Variants in FIGLA observed in about 807,000 individuals in gnomAD.
FIGLA encodes factor in the germline alpha.
FIGLA carries 17 observed loss-of-function variants against 21.5 expected under a neutral mutation model. The observed-to-expected ratio is 0.79, with a 90% confidence interval of 0.54 to 1.19. The LOEUF (loss-of-function observed/expected upper bound fraction) is 1.19. Ranked by LOEUF, FIGLA falls within the 50% of genes most tolerant of loss-of-function variation. The probability of loss-of-function intolerance (pLI) is 0.00; values close to 1 mark genes in which losing one functional copy is unlikely to be tolerated. For synonymous variants in FIGLA, 129 were observed against 117.6 expected (o/e 1.10, Z -0.63); for missense variants, 282 against 285.0 (o/e 0.99, Z 0.08).
chr2:70,788,870 C>G (rs958066162), intron 1 of FIGLA, among the ~76,000 whole-genome samples: 2 of 152,124 alleles, frequency 1.3e-5, no homozygotes, highest in South Asian at 4.1e-4. Context: ...GTATCAAAAG[C>G]CATTCCATTG....
Position 70,787,696 on chromosome 2 carries a change from A to G in FIGLA, c.337T>C (p.Tyr113His), listed in dbSNP as rs781845895. ...KVDILKGATE[Y>H]IQVLSDLLEG... ...AAAAGATCACTGAGAACCTGTATAT[A>G]TTCAGTCGCACCTTTAAGGATATCA... is the stretch of plus-strand genomic sequence containing the variant. Residue 113 changes from tyrosine to histidine, a missense_variant, in exon 2 of 5, where the codon TAT becomes CAT. Tyr to His is a moderately conservative substitution (Grantham distance 83). Transcript: ENST00000332372. The G allele has an allele frequency of 2.5e-6, 4 of 1,600,748 alleles. No homozygotes were observed. The highest frequency in any genetic ancestry group is 2.2e-5 in the East Asian group (1 of 44,688).
chr2:70,785,999 C>A (rs556283956), intron 2 of FIGLA, among the ~76,000 whole-genome samples: 1 of 152,352 alleles, frequency 6.6e-6, no homozygotes, highest in South Asian at 2.1e-4. Flanking sequence ...GTTTGACCAA[C>A]AGGACAATTC....
rs1675777574 is a variant in FIGLA, at chr2:70,777,334, T to C, written c.*33A>G. ...AAACTTTCAAGACTGCATTTATTTG[T>C]CTCTAGAAGGTAACCCTGGGCCTTT... On this transcript the variant is annotated 3_prime_UTR_variant, in exon 5 of 5. Coordinates refer to ENST00000332372, the MANE Select transcript of FIGLA (RefSeq NM_001004311.3). 2 of 1,432,616 alleles carry C rather than the reference T, an allele frequency of 1.4e-6. No individual in the cohort carries two copies. Among genetic ancestry groups the C allele is most frequent in the Non-Finnish European group, 1.9e-6 (2 of 1,073,070 alleles). The allele number at this position is 1,432,616 out of a possible 1,614,324, so 88.7% of individuals were successfully genotyped here.
chr2:70,784,901 TTTCATTTAAAATGTTG>T, intron 3 of FIGLA, among the ~76,000 whole-genome samples: 1 of 151,462 alleles, frequency 6.6e-6, no homozygotes, highest in East Asian at 1.9e-4. Flanking sequence ...TCCTTTGTTA[TTTCATTTAAAATGTTG>T]TCTTACAACC....
At chr2:70,787,542 T>C in intron 2 of FIGLA, 107 bp downstream of exon 2, 1 of 1,187,996 alleles carries the variant, frequency 8.4e-7, no homozygotes, top group Non-Finnish European at 1.2e-6. Context: ...TTAGAGGTTA[T>C]AAACCTTAAG....
chr2:70,787,893 C>T (rs868945649), intron 1 of FIGLA, 92 bp from the exon 2 acceptor site: 1 of 1,342,582 alleles, frequency 7.4e-7, no homozygotes, highest in Middle Eastern at 1.9e-4. Flanking sequence ...CCACTGCCTC[C>T]TTGTCTGAGT....
At chr2:70,780,844 C>A (rs1394708298) in intron 3 of FIGLA, among the ~76,000 whole-genome samples, 1 of 152,010 alleles carries the variant, frequency 6.6e-6, no homozygotes, top group Non-Finnish European at 1.5e-5. Context: ...ATGGCACCCA[C>A]ATACAGAGGC....
chr2:70,789,138 CTGAA>C (rs1553390462), intron 1 of FIGLA, among the ~76,000 whole-genome samples: 2 of 97,608 alleles, frequency 2.0e-5, no homozygotes, highest in African/African-American at 5.7e-5. Flanking sequence ...CAAATATGTA[CTGAA>C]TATTTTGTAA....
At chr2:70,789,156 TTA>T (rs10540498) in intron 1 of FIGLA, among the ~76,000 whole-genome samples, 80,617 of 150,088 alleles carry the variant, frequency 0.54, 22,610 homozygotes, top group East Asian at 0.74. Flanking sequence ...TTTGTAAAAA[TTA>T]TATATATATA....
rs558415436 is a variant in FIGLA, at chr2:70,783,369, G to A, written c.609+2046C>T. ...ACATCTCTGGCTTTTACTAGGAAACGTTAGTCCCCACTCTAAATTAGTGTA... is the reference window on the plus strand; with the variant it reads ...ACATCTCTGGCTTTTACTAGGAAACATTAGTCCCCACTCTAAATTAGTGTA... On this transcript the variant is annotated intron_variant, in intron 3 of 4. Coordinates refer to ENST00000332372, the MANE Select transcript of FIGLA (RefSeq NM_001004311.3). Among the ~76,000 whole-genome samples, 86 of 152,298 alleles carry A rather than the reference G, an allele frequency of 5.6e-4. 1 individual carries two copies. The highest frequency in any genetic ancestry group is 2.0e-3 in the African/African-American group (82 of 41,550).
At chr2:70,789,021 AT>A (rs1676007765) in intron 1 of FIGLA, among the ~76,000 whole-genome samples, 1 of 152,236 alleles carries the variant, frequency 6.6e-6, no homozygotes, top group African/African-American at 2.4e-5. Context: ...GACTGAATAC[AT>A]TATGGTCCAT....
In FIGLA at chr2:70,785,547, A is replaced by G; in HGVS notation, c.477T>C (p.His159=). The change falls in exon 3 of 5, where the codon CAT becomes CAC. Residue 159 remains histidine (H), a synonymous_variant. Transcript: ENST00000332372. ...TCTTCAAGCCGAAAGCACAGCTGAT[A>G]TGTTGGGTGATGTTTCTTGACAGCT... ...ARQLSRNITQ[H]ISCAFGLKNE... is the part of the protein sequence containing the mutation. The G allele has an allele frequency of 6.2e-7, 1 of 1,613,956 alleles. No homozygotes were observed. Among genetic ancestry groups the G allele is most frequent in the South Asian group, 1.1e-5 (1 of 91,080 alleles).
intron 3 of FIGLA, among the ~76,000 whole-genome samples, chr2:70,784,942 C>T (rs1053026688): frequency 2.2e-5 from 2 of 89,316 alleles, no homozygotes; most frequent in African/African-American, 6.1e-5. Flanking sequence ...CCACCCCCCA[C>T]CACAAAAAAA....
At chr2:70,785,692 T>A in intron 2 of FIGLA, 53 bp from the exon 3 acceptor site, 1 of 1,352,456 alleles carries the variant, frequency 7.4e-7, no homozygotes, top group Non-Finnish European at 1.1e-6. Flanking sequence ...AAGATTTTGA[T>A]GACTTAAACT....
chr2:70,788,232 G>A (rs1675992218), intron 1 of FIGLA, among the ~76,000 whole-genome samples: 1 of 152,110 alleles, frequency 6.6e-6, no homozygotes, highest in Admixed American at 6.5e-5. Context: ...AAGCTTTTTG[G>A]GGGGTGTGAT....
At chr2:70,784,002 T>G (rs1553389501) in intron 3 of FIGLA, among the ~76,000 whole-genome samples, 1 of 152,138 alleles carries the variant, frequency 6.6e-6, no homozygotes, top group Non-Finnish European at 1.5e-5. Context: ...ACTCTTTTGT[T>G]GTTGTTGCTT....
intron 1 of FIGLA, among the ~76,000 whole-genome samples, chr2:70,788,631 G>C (rs1319596371): frequency 6.6e-6 from 1 of 152,084 alleles, no homozygotes; most frequent in African/African-American, 2.4e-5. Context: ...GGACATAGTT[G>C]GCCAATTCAC....
intron 2 of FIGLA, among the ~76,000 whole-genome samples, 158 bp from the exon 3 acceptor site, chr2:70,785,797 G>A (rs1199841491): frequency 6.6e-6 from 1 of 152,172 alleles, no homozygotes. Flanking sequence ...TCAATTGACC[G>A]TATTTTGTTC....
At chr2:70,782,040 A>G (rs373979210) in intron 3 of FIGLA, among the ~76,000 whole-genome samples, 116 of 152,358 alleles carry the variant, frequency 7.6e-4, no homozygotes, top group African/African-American at 2.7e-3. Flanking sequence ...CTATTTTTGC[A>G]ACTTCCTGTG....
Sources: allele counts gnomAD v4.1 joint callset (sites outside exome capture counted in the v4.1 genomes callset), GRCh38; gene constraint gnomAD v4.1.1; transcripts MANE v1.5; gene names NCBI Gene and HGNC (gene_info 2026-07-23, HGNC 2026-07-21).